SND1: variants seen among roughly 807,000 people sequenced by gnomAD.
The protein encoded by SND1 is staphylococcal nuclease and tudor domain containing 1, also known as staphylococcal nuclease domain-containing protein 1.
SND1 carries 38 observed loss-of-function variants against 121.7 expected under a neutral mutation model. The ratio of observed to expected loss-of-function variants is 0.31; its 90% confidence interval spans 0.24 to 0.41. The LOEUF (loss-of-function observed/expected upper bound fraction) is 0.41. Among genes scored for constraint, SND1 ranks in the 10% least tolerant of loss-of-function variants. The probability of loss-of-function intolerance (pLI) is 1.00; values close to 1 mark genes in which losing one functional copy is unlikely to be tolerated. For synonymous variants in SND1, 401 were observed against 447.4 expected, an observed-to-expected ratio of 0.90 and a Z score of 1.31; for missense variants, 868 against 1,184.6, an observed-to-expected ratio of 0.73 and a Z score of 3.92.
chr7:127,813,858 C>G (rs980845444), intron 11 of SND1, among the ~76,000 whole-genome samples: 3 of 152,136 alleles, frequency 2.0e-5, no homozygotes, highest in African/African-American at 4.8e-5. Context: ...CCACCACGCT[C>G]GGCCTTGAAG....
chr7:128,056,965 A>AGG (rs1186620899), intron 16 of SND1, among the ~76,000 whole-genome samples: 1 of 152,120 alleles, frequency 6.6e-6, no homozygotes, highest in East Asian at 1.9e-4. Context: ...GGTTACAGAG[A>AGG]GGGAGAGGGT....
intron 12 of SND1, among the ~76,000 whole-genome samples, chr7:127,877,629 T>G (rs1799715467): frequency 6.6e-6 from 1 of 152,102 alleles, no homozygotes; most frequent in Non-Finnish European, 1.5e-5. Flanking sequence ...GGTGAGGTTT[T>G]GCCGTGTTGC....
intron 10 of SND1, among the ~76,000 whole-genome samples, chr7:127,729,793 G>GA (rs1277643286): frequency 6.6e-6 from 1 of 152,086 alleles, no homozygotes; most frequent in Non-Finnish European, 1.5e-5. Flanking sequence ...CACTGTTCTA[G>GA]AAAAAAGCTT....
At chr7:128,057,626 A>G (rs1793163993) in intron 16 of SND1, among the ~76,000 whole-genome samples, 1 of 152,174 alleles carries the variant, frequency 6.6e-6, no homozygotes, top group South Asian at 2.1e-4. Flanking sequence ...AGAAAGCACA[A>G]AGATAGCAAA....
chr7:127,652,296 CT>C lies in SND1; in HGVS notation c.-75del. 7.8e-7 allele frequency: 1 copy of C among 1,279,216 alleles called. No homozygotes were observed. The highest frequency in any genetic ancestry group is 2.5e-5 in the East Asian group (1 of 39,808). The allele number at this position is 1,279,216 out of a possible 1,614,324, so 79.2% of individuals were successfully genotyped here. ...CCAGCCTGCCCCTCGCCTCGACTCC[CT>C]TTCACCAACACCGACACCCACATTG... is the stretch of plus-strand genomic sequence containing the variant. On this transcript the variant is annotated 5_prime_UTR_variant, in exon 1 of 24. Transcript: ENST00000354725.
At chr7:128,028,487 G>T in intron 16 of SND1, 72 of 482,668 alleles carry the variant, frequency 1.5e-4, no homozygotes, top group Middle Eastern at 6.1e-4. Context: ...CCTTTAAATA[G>T]AACTTACAAG....
chr7:127,840,313 C>G (rs1486401585), intron 11 of SND1, among the ~76,000 whole-genome samples: 1 of 152,156 alleles, frequency 6.6e-6, no homozygotes, highest in Admixed American at 6.5e-5. Flanking sequence ...TCAAGGGAAA[C>G]TGAGACCCAA....
At chr7:128,077,909 G>A (rs1793533296) in intron 17 of SND1, among the ~76,000 whole-genome samples, 1 of 152,234 alleles carries the variant, frequency 6.6e-6, no homozygotes, top group South Asian at 2.1e-4. Flanking sequence ...CTGTGTCTGG[G>A]TGTACAACTA....
At chr7:127,863,996 A>G (rs1285410560) in intron 12 of SND1, among the ~76,000 whole-genome samples, 3 of 152,196 alleles carry the variant, frequency 2.0e-5, no homozygotes, top group African/African-American at 7.2e-5. Flanking sequence ...TACCTCAAGA[A>G]GTGTCTCTAT....
chr7:127,873,576 C>G (rs1799636027), intron 12 of SND1, among the ~76,000 whole-genome samples: 1 of 152,068 alleles, frequency 6.6e-6, no homozygotes, highest in Non-Finnish European at 1.5e-5. Context: ...TCCGGTGTTT[C>G]CTAGTTTAGA....
At chr7:127,759,329 G>A (rs1797258727) in intron 10 of SND1, among the ~76,000 whole-genome samples, 1 of 152,000 alleles carries the variant, frequency 6.6e-6, no homozygotes, top group African/African-American at 2.4e-5. Context: ...ATGGACTCTT[G>A]GTTTGATACT....
At chr7:128,075,118 A>G (rs1385199956) in intron 17 of SND1, among the ~76,000 whole-genome samples, 1 of 152,096 alleles carries the variant, frequency 6.6e-6, no homozygotes, top group Admixed American at 6.5e-5. Context: ...TGGGGAAACA[A>G]CCCTAGGAGA....
rs570535563 is a variant in SND1 at position 127,872,563 on chromosome 7, T to A, written c.1344-15339T>A. On this transcript the variant is annotated intron_variant, in intron 12 of 23. Coordinates refer to ENST00000354725, the MANE Select transcript of SND1 (RefSeq NM_014390.4). Reference sequence around the variant, plus strand: ...TATTTTTTATAATTTAGATGAGGATTTTTTTTTCCTGTTAAAGTGTTGATA... The same window carrying A: ...TATTTTTTATAATTTAGATGAGGATATTTTTTTCCTGTTAAAGTGTTGATA... Among the ~76,000 whole-genome samples the A allele has an allele frequency of 3.3e-5, 5 of 151,888 alleles. No homozygotes were observed. The East Asian group carries it at 9.7e-4, about 29-fold the overall frequency.
intron 14 of SND1, among the ~76,000 whole-genome samples, chr7:127,921,852 A>T (rs780804704): frequency 3.9e-5 from 6 of 152,186 alleles, no homozygotes; most frequent in Non-Finnish European, 8.8e-5. Flanking sequence ...GTTGTTGCCC[A>T]TGTCTTTTTT....
chr7:128,084,597 G>A lies in SND1; in HGVS notation c.2111-127G>A. On this transcript the variant is annotated intron_variant, in intron 18 of 23. Coordinates refer to ENST00000354725, the MANE Select transcript of SND1 (RefSeq NM_014390.4). The stretch of plus-strand genomic sequence containing the variant: ...GGCTTCCCCGCATGGGTTGGGGACA[G>A]AGCCAGTGCTGCAGTGCCCCCCAGA... 3 of 990,520 alleles carry A rather than the reference G, an allele frequency of 3.0e-6. 1 individual carries two copies. In the South Asian group the frequency reaches 5.9e-5, roughly 20 times the overall value. 61.4% of individuals were successfully genotyped at this position (990,520 alleles called of 1,614,324 possible). A position where few individuals can be genotyped will look rare whatever the true frequency, so the allele number is the denominator to read the frequency against.
intron 12 of SND1, among the ~76,000 whole-genome samples, chr7:127,873,967 T>A (rs530052012): frequency 1.3e-5 from 2 of 152,268 alleles, no homozygotes; most frequent in Admixed American, 1.3e-4. Flanking sequence ...AGCATCAGGC[T>A]TGGAAAATAG....
chr7:127,712,299 C>T (rs890790582), intron 9 of SND1, among the ~76,000 whole-genome samples: 8 of 152,132 alleles, frequency 5.3e-5, no homozygotes, highest in African/African-American at 1.9e-4. Flanking sequence ...GCTGGGACTA[C>T]AGGTGCACGC....
At chr7:127,841,882 T>C (rs767260873) in intron 11 of SND1, among the ~76,000 whole-genome samples, 1 of 152,190 alleles carries the variant, frequency 6.6e-6, no homozygotes, top group Non-Finnish European at 1.5e-5. Flanking sequence ...TTAGGAGTCA[T>C]CTTTATATTT....
chr7:128,007,006 C>T (rs1180868923), intron 16 of SND1, among the ~76,000 whole-genome samples: 2 of 152,158 alleles, frequency 1.3e-5, no homozygotes, highest in African/African-American at 2.4e-5. Context: ...ATTTTAGATG[C>T]CCCTCTCCCA....
Sources: gnomAD v4.1 joint callset for allele counts (sites outside exome capture counted in the v4.1 genomes callset) on GRCh38, gnomAD v4.1.1 for gene constraint, MANE v1.5 for transcripts, NCBI Gene and HGNC (gene_info 2026-07-23, HGNC 2026-07-21) for gene names.